The following TRUB2 variants were observed in gnomAD, a reference collection of about 807,000 sequenced individuals.
TRUB2 encodes TruB pseudouridine synthase family member 2, also known as pseudouridylate synthase TRUB2, mitochondrial.
In TRUB2, 31 loss-of-function variants were observed where a neutral mutation model predicts 31.9. The observed-to-expected ratio is 0.97, with a 90% CI of 0.73 to 1.31. TRUB2 has a LOEUF of 1.31. TRUB2 is among the 50% of genes most tolerant of loss of function. The pLI is 0.00. For synonymous variants in TRUB2, 201 were observed against 182.6 expected (o/e 1.10, Z -0.81); for missense variants, 451 against 439.6 (o/e 1.03, Z -0.23).
chr9:128,321,246 T>G (rs914246152), intron 2 of TRUB2, among the ~76,000 whole-genome samples: 1 of 152,230 alleles, frequency 6.6e-6, no homozygotes, highest in African/African-American at 2.4e-5. Flanking sequence ...GTGGAACTCA[T>G]GGACTCAGAG....
Position 128,315,634 on chromosome 9 carries a change from A to G in TRUB2, c.317-6T>C, listed in dbSNP as rs1832055738. The G allele has an allele frequency of 1.2e-6, 2 of 1,612,976 alleles. No homozygotes were observed. The highest frequency in any genetic ancestry group is 1.7e-5 in the Admixed American group (1 of 59,872). ...TCCATGTCCCACGCCGAGCACTGAA[A>G]AGCAGCCAGCGTCATCTCACACCTG... On this transcript the variant is annotated splice_polypyrimidine_tract_variant and splice_region_variant and intron_variant, in intron 3 of 7. Transcript: ENST00000372890.
chr9:128,315,886 G>T, intron 3 of TRUB2: 1 of 510,242 alleles, frequency 2.0e-6, no homozygotes, highest in Non-Finnish European at 3.6e-6. Flanking sequence ...CTCTCCACAG[G>T]ATTCTGACAC....
At chr9:128,318,998 G>A (rs1019363484) in intron 2 of TRUB2, among the ~76,000 whole-genome samples, 1 of 151,912 alleles carries the variant, frequency 6.6e-6, no homozygotes, top group Non-Finnish European at 1.5e-5. Context: ...CATGGGCAAC[G>A]TGACAAAACC....
At chr9:128,310,511 A>C (rs1831948856) in intron 7 of TRUB2, among the ~76,000 whole-genome samples, 1 of 151,900 alleles carries the variant, frequency 6.6e-6, no homozygotes, top group Admixed American at 6.6e-5. Flanking sequence ...AGACAAAAGG[A>C]ACACAGATAA....
At chr9:128,310,778 T>G in intron 7 of TRUB2, 109 bp downstream of exon 7, 10 of 1,470,770 alleles carry the variant, frequency 6.8e-6, no homozygotes, top group South Asian at 1.2e-5. Context: ...GGCCGGCGTG[T>G]GCTGGCCTCA....
At chr9:128,321,881 G>A (rs1165378824) in intron 1 of TRUB2, 151 bp from the exon 2 acceptor site, 1 of 883,270 alleles carries the variant, frequency 1.1e-6, no homozygotes, top group African/African-American at 1.7e-5. Flanking sequence ...TTGGGCTCAA[G>A]CGATCCTCCT....
chr9:128,322,253 T>G (rs1282403131), intron 1 of TRUB2, 47 bp downstream of exon 1: 1 of 1,536,308 alleles, frequency 6.5e-7, no homozygotes, highest in Admixed American at 1.7e-5. Context: ...GAGATGGACT[T>G]CCAAGAGAAC....
chr9:128,317,504 T>C (rs1432682452), intron 2 of TRUB2, among the ~76,000 whole-genome samples: 1 of 151,920 alleles, frequency 6.6e-6, no homozygotes, highest in East Asian at 1.9e-4. Flanking sequence ...AGGTCAAGAG[T>C]GCGGGGTTCC....
chr9:128,322,136 CAG>C (rs1310537689), intron 1 of TRUB2, among the ~76,000 whole-genome samples, 162 bp downstream of exon 1: 2 of 152,136 alleles, frequency 1.3e-5, no homozygotes, highest in Non-Finnish European at 2.9e-5. Flanking sequence ...CCTCGGAAAA[CAG>C]AGGAAAGTGA....
intron 2 of TRUB2, among the ~76,000 whole-genome samples, chr9:128,320,521 G>A (rs922623420): frequency 4.0e-5 from 6 of 151,894 alleles, no homozygotes; most frequent in African/African-American, 1.2e-4. Flanking sequence ...TAGTAGAGAC[G>A]GGGTTTCTCC....
chr9:128,310,001 A>G (rs1831940974), intron 7 of TRUB2, 126 bp from the exon 8 acceptor site: 5 of 1,048,628 alleles, frequency 4.8e-6, no homozygotes, highest in Non-Finnish European at 5.5e-6. Flanking sequence ...TAAGCTCTCC[A>G]GGTTGTGCTA....
rs2231645 is a variant in TRUB2 at position 128,309,443 on chromosome 9, T to A, written c.*107A>T. 237,324 of 1,241,942 alleles carry A rather than the reference T, an allele frequency of 0.19. 33,069 individuals carry two copies. The highest frequency in any genetic ancestry group is 0.69 in the African/African-American group (45,983 of 66,266). 76.9% of individuals were successfully genotyped at this position (1,241,942 alleles called of 1,614,324 possible). A position where few individuals can be genotyped will look rare whatever the true frequency, so the allele number is the denominator to read the frequency against. ...TCTGTTACAGCTTGAGTTTTGTGTC[T>A]TACGTAGAAAAGGTGCCCCTGCTCT... On this transcript the variant is annotated 3_prime_UTR_variant, in exon 8 of 8. Transcript: ENST00000372890.
intron 7 of TRUB2, 32 bp downstream of exon 7, chr9:128,310,855 T>C (rs575978399): frequency 1.7e-5 from 27 of 1,613,138 alleles, no homozygotes; most frequent in Admixed American, 1.0e-4. Flanking sequence ...ACGGGTCCCA[T>C]CTCACTGCTC....
In TRUB2 at chr9:128,319,281, G is replaced by A. The variant is rs144044305; in HGVS notation, c.242-2055C>T. Among the ~76,000 whole-genome samples, 215 of 150,254 alleles carry A rather than the reference G, an allele frequency of 1.4e-3. 1 individual carries two copies. Among genetic ancestry groups the A allele is most frequent in the African/African-American group, 4.9e-3 (198 of 40,708 alleles). On this transcript the variant is annotated intron_variant, in intron 2 of 7. Coordinates refer to ENST00000372890, the MANE Select transcript of TRUB2 (RefSeq NM_015679.3). ...GAGAAGCTTGCAGTGAGCCGAGATC[G>A]TGCCACTGCACTCCAGCCTGGGCAA...
rs1443096278 is a variant in TRUB2 at position 128,321,650 on chromosome 9, C to A, written c.190G>T (p.Glu64Ter). The change falls in exon 2 of 8, where the codon GAG becomes TAG. Residue 64 changes from glutamate to a stop codon, truncating the protein, a stop_gained. Transcript: ENST00000372890. LOFTEE classifies it high-confidence loss of function. ...ACGCTGGTGGCTGTGAGGGTCAGCT[C>A]CTTCTCTTCGCTGCCTTCCATGGGG... is the stretch of plus-strand genomic sequence containing the variant. ...LGPMEGSEEK[E>*]LTLTATSVPS... The A allele has an allele frequency of 6.2e-7, 1 of 1,614,042 alleles. No individual in the cohort carries two copies. Among genetic ancestry groups the A allele is most frequent in the South Asian group, 1.1e-5 (1 of 91,074 alleles).
rs1212672654 is a variant in TRUB2 at position 128,315,578 on chromosome 9, G to A, written c.367C>T (p.His123Tyr). Residue 123 changes from histidine to tyrosine, a missense_variant, in exon 4 of 8, where the codon CAT becomes TAT. His to Tyr is a moderately conservative substitution (Grantham distance 83, BLOSUM62 2). Coordinates refer to ENST00000372890, the MANE Select transcript of TRUB2 (RefSeq NM_015679.3). ...CRLLTDMYNAHLTKDYTVRGL... is the reference protein window; with the variant it reads ...CRLLTDMYNAYLTKDYTVRGL... ...CCAGACCCTCGTACCTTGGTAAGAT[G>A]AGCATTGTACATATCGGTGAGGAGC... 5.6e-6 allele frequency: 9 copies of A among 1,613,486 alleles called. No individual in the cohort carries two copies. The highest frequency in any genetic ancestry group is 2.2e-5 in the East Asian group (1 of 44,882).
chr9:128,310,689 G>C (rs537995476), intron 7 of TRUB2, among the ~76,000 whole-genome samples, 198 bp downstream of exon 7: 1 of 152,234 alleles, frequency 6.6e-6, no homozygotes, highest in South Asian at 2.1e-4. Context: ...CTTTTGTTCT[G>C]CGAGCTCTGT....
rs375078649 is a variant in TRUB2 at position 128,313,901 on chromosome 9, G to A, written c.379-12C>T. 5 of 1,613,318 alleles carry A rather than the reference G, an allele frequency of 3.1e-6. No individual in the cohort carries two copies. Among genetic ancestry groups the A allele is most frequent in the Non-Finnish European group, 3.4e-6 (4 of 1,179,484 alleles). The stretch of plus-strand genomic sequence containing the variant: ...CGCACTGTGTAATCCTTCAAGGACA[G>A]GGAGGTAAAGATCCGTCAGTGACCC... On this transcript the variant is annotated splice_polypyrimidine_tract_variant and intron_variant, in intron 4 of 7. Transcript: ENST00000372890.
At chr9:128,310,773 G>A in intron 7 of TRUB2, 114 bp downstream of exon 7, 1 of 1,436,490 alleles carries the variant, frequency 7.0e-7, no homozygotes, top group Non-Finnish European at 9.6e-7. Context: ...ATCAGGGCCG[G>A]CGTGTGCTGG....
Sources: gnomAD v4.1 joint callset for allele counts (sites outside exome capture counted in the v4.1 genomes callset) on GRCh38, gnomAD v4.1.1 for gene constraint, MANE v1.5 for transcripts, NCBI Gene and HGNC (gene_info 2026-07-23, HGNC 2026-07-21) for gene names.